Variants in ATP8B1 observed in about 807,000 individuals in gnomAD.
ATP8B1 encodes the protein ATPase phospholipid transporting 8B1, also known as phospholipid-transporting ATPase IC.
Under a neutral mutation model 149.9 loss-of-function variants are expected in ATP8B1, and 80 were observed. The observed-to-expected ratio is 0.53, with a 90% CI of 0.45 to 0.64. The LOEUF (loss-of-function observed/expected upper bound fraction) is 0.64, where lower values mean the gene tolerates loss of function less well. Among genes scored for constraint, ATP8B1 ranks in the 30% least tolerant of loss-of-function variants. The pLI is 0.00. For synonymous variants in ATP8B1, 536 were observed against 562.8 expected (o/e 0.95, Z 0.67); for missense variants, 1,247 against 1,552.6 (o/e 0.80, Z 3.31).
chr18:57,652,811 A>C, intron 24 of ATP8B1, 82 bp from the exon 25 acceptor site: 1 of 1,585,232 alleles, frequency 6.3e-7, no homozygotes, highest in South Asian at 1.1e-5. Flanking sequence ...ATCTCACAAA[A>C]AGTTGCAGCC....
rs1913307501 is a variant in ATP8B1 at position 57,704,815 on chromosome 18, G to A, written c.280-147C>T. 4.5e-6 allele frequency: 3 copies of A among 665,236 alleles called. No individual in the cohort carries two copies. In the South Asian group the frequency reaches 4.9e-5, roughly 11 times the overall value. 41.2% of individuals were successfully genotyped at this position (665,236 alleles called of 1,614,324 possible). A position where few individuals can be genotyped will look rare whatever the true frequency, so the allele number is the denominator to read the frequency against. ...ATTGAGGATTTTGTCTGGGTGCGGT[G>A]GCTTATGCCTGCAATCCCAGCGCTT... On this transcript the variant is annotated intron_variant, in intron 3 of 27. Transcript: ENST00000648908.
At chr18:57,726,799 G>C (rs2079712993) in intron 2 of ATP8B1, among the ~76,000 whole-genome samples, 1 of 152,150 alleles carries the variant, frequency 6.6e-6, no homozygotes, top group South Asian at 2.1e-4. Flanking sequence ...AATAGAATAG[G>C]CCGGGCACAG....
intron 2 of ATP8B1, among the ~76,000 whole-genome samples, chr18:57,711,306 A>G (rs1286671855): frequency 6.6e-6 from 1 of 152,216 alleles, no homozygotes; most frequent in Non-Finnish European, 1.5e-5. Flanking sequence ...TAGCCTATGC[A>G]GTCAGCAAAA....
intron 1 of ATP8B1, among the ~76,000 whole-genome samples, chr18:57,760,466 G>A (rs907287965): frequency 2.0e-5 from 3 of 152,050 alleles, no homozygotes; most frequent in African/African-American, 7.2e-5. Flanking sequence ...CTCCACCTTC[G>A]TCTTTGCTCT....
intron 1 of ATP8B1, among the ~76,000 whole-genome samples, chr18:57,764,944 C>G (rs1440033847): frequency 6.6e-6 from 1 of 151,902 alleles, no homozygotes; most frequent in Non-Finnish European, 1.5e-5. Flanking sequence ...GGGTATATAC[C>G]CAAAAGAATT....
chr18:57,672,886 GTATATATATA>G (rs1198919117), intron 16 of ATP8B1, among the ~76,000 whole-genome samples: 40 of 14,058 alleles, frequency 2.8e-3, no homozygotes, highest in African/African-American at 9.2e-3. Flanking sequence ...AAAAAAAAAA[GTATATATATA>G]TATATATATA....
At chr18:57,700,151 C>T (rs753475734) in intron 6 of ATP8B1, among the ~76,000 whole-genome samples, 32 of 152,160 alleles carry the variant, frequency 2.1e-4, no homozygotes, top group South Asian at 4.1e-4. Flanking sequence ...TTTGTCATTT[C>T]GGACTTACAT....
Position 57,655,320 on chromosome 18 carries a change from T to TA in ATP8B1, c.2804dup (p.Leu936ThrfsTer74). The TA allele has an allele frequency of 6.2e-7, 1 of 1,614,150 alleles. No individual in the cohort carries two copies. Among genetic ancestry groups the TA allele is most frequent in the Non-Finnish European group, 8.5e-7 (1 of 1,179,968 alleles). On this transcript the variant is annotated frameshift_variant, in exon 23 of 28. Transcript: ENST00000648908. LOFTEE classifies it high-confidence loss of function. ...AAGACCATCGGCCATGCACCAGCAG[T>TA]AGCCTCTGCAGATATCGGAACTGAG... is the stretch of plus-strand genomic sequence containing the variant.
chr18:57,650,113 G>A (rs1400239704), intron 27 of ATP8B1, among the ~76,000 whole-genome samples: 2 of 152,168 alleles, frequency 1.3e-5, no homozygotes, highest in Admixed American at 6.5e-5. Flanking sequence ...GTTAAACTGA[G>A]GAGATAGATA....
intron 3 of ATP8B1, 54 bp from the exon 4 acceptor site, chr18:57,704,722 T>A (rs1047074584): frequency 4.5e-6 from 5 of 1,121,142 alleles, no homozygotes; most frequent in Non-Finnish European, 6.7e-6. Flanking sequence ...TCACAATGTA[T>A]ACACATCTGC....
intron 20 of ATP8B1, among the ~76,000 whole-genome samples, chr18:57,666,853 G>C (rs1310196900): frequency 6.6e-6 from 1 of 152,140 alleles, no homozygotes; most frequent in Non-Finnish European, 1.5e-5. Flanking sequence ...AGAAGGAATG[G>C]AGAAAAATGG....
intron 2 of ATP8B1, among the ~76,000 whole-genome samples, chr18:57,713,157 C>CTCTTTCTT (rs760611716): frequency 0.01 from 947 of 92,052 alleles, 78 homozygotes; most frequent in Middle Eastern, 0.028. Context: ...CTTGATCTTT[C>CTCTTTCTT]TCTTTCTTTC....
chr18:57,784,718 C>T lies in ATP8B1; in HGVS notation c.-26+18280G>A, dbSNP rs901990202. 6.6e-5 allele frequency among the ~76,000 whole-genome samples: 10 copies of T among 152,066 alleles called. No individual in the cohort carries two copies. Among genetic ancestry groups the T allele is most frequent in the African/African-American group, 2.2e-4 (9 of 41,390 alleles). The stretch of plus-strand genomic sequence containing the variant: ...GAAACGTGCCTATGACTAAGTCCTG[C>T]GAAACCGTAGCATTTTAAGAGGACT... On this transcript the variant is annotated intron_variant, in intron 1 of 27. Coordinates refer to ENST00000648908, the MANE Select transcript of ATP8B1 (RefSeq NM_001374385.1). The surrounding 1 kb of genome is among the most constrained non-coding windows in gnomAD (Gnocchi z 4.4).
intron 1 of ATP8B1, among the ~76,000 whole-genome samples, chr18:57,779,237 C>A (rs1451616421): frequency 6.6e-6 from 1 of 151,944 alleles, no homozygotes; most frequent in Non-Finnish European, 1.5e-5. Flanking sequence ...ATTGCTTGAG[C>A]CTGGGAGGTC....
intron 15 of ATP8B1, among the ~76,000 whole-genome samples, chr18:57,681,691 C>T (rs940215484): frequency 6.6e-6 from 1 of 152,044 alleles, no homozygotes; most frequent in African/African-American, 2.4e-5. Context: ...GTCCCAGCTA[C>T]TCAGGAGGCT....
chr18:57,666,531 G>A (rs888660626), intron 20 of ATP8B1, among the ~76,000 whole-genome samples: 5 of 55,558 alleles, frequency 9.0e-5, no homozygotes, highest in South Asian at 2.1e-3. Context: ...TAGGTGAACC[G>A]AGTTTTTTTT....
At chr18:57,705,987 A>T (rs1427382589) in intron 3 of ATP8B1, among the ~76,000 whole-genome samples, 5 of 152,270 alleles carry the variant, frequency 3.3e-5, no homozygotes, top group Middle Eastern at 6.8e-3. Context: ...TCAGCCTCCC[A>T]AGTAGCTGAG....
chr18:57,723,078 A>C (rs2079664324), intron 2 of ATP8B1, among the ~76,000 whole-genome samples: 1 of 151,654 alleles, frequency 6.6e-6, no homozygotes, highest in African/African-American at 2.4e-5. Context: ...TCAGTAAATT[A>C]GGTATTGATG....
At chr18:57,771,480 A>G (rs1693367169) in intron 1 of ATP8B1, among the ~76,000 whole-genome samples, 1 of 152,176 alleles carries the variant, frequency 6.6e-6, no homozygotes. Flanking sequence ...TAATTACGAA[A>G]TGGTCTGAGA....
Sources: gnomAD v4.1 joint callset for allele counts (sites outside exome capture counted in the v4.1 genomes callset) on GRCh38, gnomAD v4.1.1 for gene constraint, Gnocchi (gnomAD v3.1) non-coding constraint, MANE v1.5 for transcripts, NCBI Gene and HGNC (gene_info 2026-07-23, HGNC 2026-07-21) for gene names.